Variants in ANHX observed in about 807,000 individuals in gnomAD.
ANHX encodes the protein anomalous homeobox.
A neutral mutation model predicts 38.9 loss-of-function variants in ANHX; 20 were observed. That is an observed-to-expected ratio of 0.51 (90% confidence interval 0.36 to 0.75). The LOEUF (loss-of-function observed/expected upper bound fraction) is 0.75, where lower values mean the gene tolerates loss of function less well. Among genes scored for constraint, ANHX ranks in the 30% least tolerant of loss-of-function variants. ANHX has a pLI of 0.00. For missense variants in ANHX, 475 were observed against 493.1 expected, an observed-to-expected ratio of 0.96 and a Z score of 0.35; for synonymous variants, 185 against 203.1, an observed-to-expected ratio of 0.91 and a Z score of 0.76.
intron 8 of ANHX, among the ~76,000 whole-genome samples, chr12:133,220,673 T>G (rs988493331): frequency 6.6e-6 from 1 of 151,658 alleles, no homozygotes; most frequent in Non-Finnish European, 1.5e-5. Flanking sequence ...GCGGGTGCGA[T>G]AGCCTCCCCA....
In ANHX at chr12:133,221,945, C is replaced by G. The variant is rs1957113549; in HGVS notation, c.1133-593G>C. ...CTGAAAAGGCAGGTTTTTTCCTGCC[C>G]TGAGTCTACTAGGCTGTAAAACAAG... is the stretch of plus-strand genomic sequence containing the variant. On this transcript the variant is annotated intron_variant, in intron 7 of 9. Coordinates refer to ENST00000545940, the MANE Select transcript of ANHX (RefSeq NM_001372060.1). The surrounding 1 kb of genome is among the most constrained non-coding windows in gnomAD (Gnocchi z 4.1). Among the ~76,000 whole-genome samples, 1 of 152,110 alleles carries G rather than the reference C, an allele frequency of 6.6e-6. No individual in the cohort carries two copies. The highest frequency in any genetic ancestry group is 1.5e-5 in the Non-Finnish European group (1 of 68,022).
chr12:133,233,435 A>G (rs1957314378), intron 2 of ANHX, among the ~76,000 whole-genome samples: 1 of 152,150 alleles, frequency 6.6e-6, no homozygotes, highest in African/African-American at 2.4e-5. Context: ...AGGCATTCAA[A>G]TTCCTTTTTG....
In ANHX at chr12:133,229,317, A is replaced by G. The variant is rs189560323; in HGVS notation, c.378-1370T>C. On this transcript the variant is annotated intron_variant, in intron 3 of 9. Transcript: ENST00000545940. ...AGGAAAAGATGATATATGCACCAAT[A>G]TTACTTGTCTGTAGAAGGTGTGTCA... 2.9e-3 allele frequency among the ~76,000 whole-genome samples: 436 copies of G among 152,262 alleles called. 3 individuals are homozygous for G. Among genetic ancestry groups the G allele is most frequent in the African/African-American group, 0.01 (424 of 41,548 alleles).
chr12:133,227,967 A>G lies in ANHX; in HGVS notation c.378-20T>C. 1 of 1,534,310 alleles carries G rather than the reference A, an allele frequency of 6.5e-7. No individual in the cohort carries two copies. The highest frequency in any genetic ancestry group is 1.7e-4 in the Middle Eastern group (1 of 5,980). ...GGGTTCCTGGGTAAGGACAGTGAGG[A>G]GGTGGTAACAGACAGGACCCCTCCA... On this transcript the variant is annotated intron_variant, in intron 3 of 9. Transcript: ENST00000545940.
In ANHX at chr12:133,225,783, A is replaced by C. The variant is rs900582728; in HGVS notation, c.885T>G (p.Asp295Glu). Among the ~76,000 whole-genome samples the C allele has an allele frequency of 6.6e-6, 1 of 152,104 alleles. No individual in the cohort carries two copies. The highest frequency in any genetic ancestry group is 1.9e-4 in the East Asian group (1 of 5,176). Residue 295 changes from aspartate to glutamate, a missense_variant, in exon 7 of 10, where the codon GAT becomes GAG. Asp to Glu is a conservative substitution (Grantham distance 45). Transcript: ENST00000545940. ...GEMYQEGPGHDPATLPLFCPG... is the reference protein window; with the variant it reads ...GEMYQEGPGHEPATLPLFCPG... ...GGCAGAAGAGGGGGAGGGTGGCAGG[A>C]TCATGGCCAGGCCCCTCCTGGTACA...
At chr12:133,229,182 C>T (rs1359789839) in intron 3 of ANHX, among the ~76,000 whole-genome samples, 1 of 152,160 alleles carries the variant, frequency 6.6e-6, no homozygotes, top group East Asian at 1.9e-4. Flanking sequence ...CAGTATCAGT[C>T]ACAGAGATGA....
rs866387637 is a variant in ANHX, at chr12:133,218,830, G to C, written c.*55C>G. On this transcript the variant is annotated 3_prime_UTR_variant, in exon 10 of 10. Transcript: ENST00000545940. ...GCTCTGTAACTCCTTGTGTTGACCA[G>C]GCAGACCATCCACACCCGCTCCTCC... The C allele has an allele frequency of 9.0e-6, 12 of 1,338,778 alleles. No homozygotes were observed. In the African/African-American group the frequency reaches 1.0e-4, roughly 12 times the overall value. 82.9% of individuals were successfully genotyped at this position (1,338,778 alleles called of 1,614,324 possible).
At chr12:133,232,554 T>A (rs1447630796) in intron 2 of ANHX, among the ~76,000 whole-genome samples, 1 of 152,116 alleles carries the variant, frequency 6.6e-6, no homozygotes, top group East Asian at 1.9e-4. Flanking sequence ...TGCCCTGACG[T>A]GGGGGCAGGA....
rs145825824 is a variant in ANHX, at chr12:133,228,919, C to T, written c.378-972G>A. On this transcript the variant is annotated intron_variant, in intron 3 of 9. Coordinates refer to ENST00000545940, the MANE Select transcript of ANHX (RefSeq NM_001372060.1). Reference sequence around the variant, plus strand: ...CCACTGTCTCCTTGTCTCTGTGACACACCTGGATCCTTGCACCTTGCCACT... The same window carrying T: ...CCACTGTCTCCTTGTCTCTGTGACATACCTGGATCCTTGCACCTTGCCACT... 2.0e-3 allele frequency among the ~76,000 whole-genome samples: 299 copies of T among 152,320 alleles called. 1 individual carries two copies. The highest frequency in any genetic ancestry group is 6.8e-3 in the African/African-American group (283 of 41,564).
intron 2 of ANHX, 125 bp from the exon 3 acceptor site, chr12:133,231,769 G>T: frequency 1.6e-6 from 2 of 1,246,448 alleles, no homozygotes; most frequent in Non-Finnish European, 2.2e-6. Context: ...CAGGGTTCTG[G>T]GTTCAAATTC....
Position 133,235,790 on chromosome 12 carries a change from G to T in ANHX, c.-23+17C>A, listed in dbSNP as rs1957371917. ...GTCCCTCATCCTCCCGGACCCCCCT[G>T]CCCGCGCGCCCCTCACCCTCCGGGA... On this transcript the variant is annotated intron_variant, in intron 1 of 9. Coordinates refer to ENST00000545940, the MANE Select transcript of ANHX (RefSeq NM_001372060.1). 1 of 137,370 alleles carries T rather than the reference G, an allele frequency of 7.3e-6. No individual in the cohort carries two copies. The highest frequency in any genetic ancestry group is 2.4e-4 in the South Asian group (1 of 4,210). The allele number at this position is 137,370 out of a possible 1,614,324, so 8.5% of individuals were successfully genotyped here.
Position 133,221,176 on chromosome 12 carries a change from G to A in ANHX, c.1280+29C>T. The A allele has an allele frequency of 6.5e-7, 1 of 1,535,492 alleles. No individual in the cohort carries two copies. The highest frequency in any genetic ancestry group is 8.7e-7 in the Non-Finnish European group (1 of 1,146,572). Reference sequence around the variant, plus strand: ...TATCTTGTGGCCTGTGGAAAGGACTGTCCAGGCCTGTGGCTCTTCAGGGCT... The same window carrying A: ...TATCTTGTGGCCTGTGGAAAGGACTATCCAGGCCTGTGGCTCTTCAGGGCT... On this transcript the variant is annotated intron_variant, in intron 8 of 9. Coordinates refer to ENST00000545940, the MANE Select transcript of ANHX (RefSeq NM_001372060.1). This position sits in a 1 kb window ranked among gnomAD's most constrained non-coding sequence, Gnocchi z 4.1.
In ANHX at chr12:133,225,581, C is replaced by T. The variant is rs987063519; in HGVS notation, c.1087G>A (p.Ala363Thr). Among the ~76,000 whole-genome samples, 6 of 152,354 alleles carry T rather than the reference C, an allele frequency of 3.9e-5. No homozygotes were observed. The highest frequency in any genetic ancestry group is 3.4e-3 in the Middle Eastern group (1 of 294). ...LDFMMGPADT[A>T]VAVSIATLGD... is the part of the protein sequence containing the mutation. ...AGGGTGGCAATGGACACAGCCACAG[C>T]GGTGTCTGCAGGGCCCATCATGAAG... The change falls in exon 7 of 10, where the codon GCT becomes ACT. Residue 363 changes from alanine (A) to threonine (T), a missense_variant. Ala to Thr is a moderately conservative substitution (Grantham distance 58, BLOSUM62 0). Coordinates refer to ENST00000545940, the MANE Select transcript of ANHX (RefSeq NM_001372060.1).
intron 3 of ANHX, 76 bp downstream of exon 3, chr12:133,231,441 C>G: frequency 6.6e-7 from 1 of 1,521,290 alleles, no homozygotes; most frequent in Non-Finnish European, 8.8e-7. Flanking sequence ...TGCTTCAGCC[C>G]CTCTGGGCTT....
intron 2 of ANHX, among the ~76,000 whole-genome samples, chr12:133,232,325 C>CGGCCACA (rs1393931352): frequency 2.3e-5 from 1 of 43,982 alleles, no homozygotes; most frequent in East Asian, 3.2e-3. Flanking sequence ...TTCCAATCAT[C>CGGCCACA]TGCCACAGGA....
At chr12:133,224,708 G>C (rs1957161716) in intron 7 of ANHX, among the ~76,000 whole-genome samples, 2 of 145,202 alleles carry the variant, frequency 1.4e-5, no homozygotes, top group Non-Finnish European at 3.0e-5. Flanking sequence ...GCTCACGCCT[G>C]TAATCCCAGC....
chr12:133,226,791 T>C, intron 5 of ANHX, 145 bp downstream of exon 5: 1 of 859,256 alleles, frequency 1.2e-6, no homozygotes, highest in Non-Finnish European at 1.7e-6. Flanking sequence ...CCTCGGACCC[T>C]GTGATCTTGC....
chr12:133,227,746 T>A (rs1206163399), intron 4 of ANHX, 78 bp downstream of exon 4: 1 of 1,498,012 alleles, frequency 6.7e-7, no homozygotes, highest in Non-Finnish European at 8.9e-7. Flanking sequence ...CTGAGGAGCC[T>A]GGGGTGGGGG....
rs987162490 is a variant in ANHX, at chr12:133,221,406, C to T, written c.1133-54G>A. The T allele has an allele frequency of 5.3e-6, 8 of 1,495,686 alleles. No homozygotes were observed. Among genetic ancestry groups the T allele is most frequent in the Admixed American group, 2.1e-5 (1 of 47,446 alleles). The allele number at this position is 1,495,686 out of a possible 1,614,324, so 92.7% of individuals were successfully genotyped here. A position where few individuals can be genotyped will look rare whatever the true frequency, so the allele number is the denominator to read the frequency against. ...TGGCAGGAGAAAGGAGCAGAGCCCA[C>T]GTGTGACACAACCAAGACCTCAAAG... is the stretch of plus-strand genomic sequence containing the variant. On this transcript the variant is annotated intron_variant, in intron 7 of 9. Coordinates refer to ENST00000545940, the MANE Select transcript of ANHX (RefSeq NM_001372060.1). The surrounding 1 kb of genome is among the most constrained non-coding windows in gnomAD (Gnocchi z 4.1).
Sources: allele counts gnomAD v4.1 joint callset (sites outside exome capture counted in the v4.1 genomes callset), GRCh38; gene constraint gnomAD v4.1.1; non-coding constraint Gnocchi (gnomAD v3.1); transcripts MANE v1.5; gene names NCBI Gene and HGNC (gene_info 2026-07-23, HGNC 2026-07-21).